The following RBPJ variants were observed in gnomAD, a reference collection of about 807,000 sequenced individuals.
RBPJ encodes recombining binding protein suppressor of hairless.
In RBPJ, 9 loss-of-function variants were observed where a neutral mutation model predicts 67.8. That is an observed-to-expected ratio of 0.13 (90% CI 0.08 to 0.23). The LOEUF (loss-of-function observed/expected upper bound fraction) is 0.23, where lower values mean the gene tolerates loss of function less well. Among genes scored for constraint, RBPJ ranks in the 10% least tolerant of loss-of-function variants. The probability of loss-of-function intolerance (pLI) is 1.00; values close to 1 mark genes in which losing one functional copy is unlikely to be tolerated. For missense variants in RBPJ, 305 were observed against 595.6 expected, an observed-to-expected ratio of 0.51 and a Z score of 5.08; for synonymous variants, 198 against 203.3, an observed-to-expected ratio of 0.97 and a Z score of 0.22.
rs148336376 is a variant in RBPJ at position 26,423,785 on chromosome 4, A to G, written c.497-557A>G. On this transcript the variant is annotated intron_variant, in intron 5 of 10. Transcript: ENST00000355476. ...AATACTTTATTTAGAAGAAAGCAGA[A>G]TTTTCTGAAATCACAGTATGCAGAG... Among the ~76,000 whole-genome samples the G allele has an allele frequency of 4.3e-3, 650 of 152,338 alleles. 3 individuals are homozygous for G. The highest frequency in any genetic ancestry group is 0.014 in the African/African-American group (585 of 41,574).
intron 1 of RBPJ, among the ~76,000 whole-genome samples, chr4:26,177,745 T>C (rs967442018): frequency 1.3e-5 from 2 of 152,344 alleles, no homozygotes; most frequent in Middle Eastern, 6.8e-3. Context: ...CAGAGTAATA[T>C]ATACTTATCT....
intron 1 of RBPJ, chr4:26,321,734 C>G (rs929704858): frequency 6.5e-6 from 1 of 152,700 alleles, no homozygotes; most frequent in Non-Finnish European, 1.5e-5. Context: ...TCTCCCCCAT[C>G]CACGGGCTTA....
the RBPJ span, among the ~76,000 whole-genome samples, chr4:26,128,554 C>T: frequency 2.6e-5 from 4 of 152,164 alleles, no homozygotes; most frequent in Non-Finnish European, 4.4e-5. Context: ...TAGCTATGCC[C>T]CAAATCCCAC....
chr4:26,213,087 A>G (rs1415424137), intron 1 of RBPJ, among the ~76,000 whole-genome samples: 1 of 152,192 alleles, frequency 6.6e-6, no homozygotes. Flanking sequence ...ACTAGTAAAT[A>G]TAAGTGTTTC....
intron 1 of RBPJ, among the ~76,000 whole-genome samples, chr4:26,330,986 T>G (rs1214585230): frequency 1.3e-5 from 2 of 152,222 alleles, no homozygotes; most frequent in African/African-American, 4.8e-5. Context: ...GAGAAGACCT[T>G]ACTAATCATA....
At chr4:26,323,038 C>A (rs1723254906) in intron 1 of RBPJ, 2 of 150,796 alleles carry the variant, frequency 1.3e-5, no homozygotes, top group South Asian at 4.2e-4. Context: ...AGGGGACATA[C>A]GAGATCTACT....
chr4:26,386,435 A>G (rs1429328590), intron 2 of RBPJ, 44 bp downstream of exon 2: 10 of 1,307,720 alleles, frequency 7.6e-6, no homozygotes, highest in African/African-American at 1.5e-5. Flanking sequence ...CATTTTATGA[A>G]AGTATAAATC....
chr4:26,428,602 C>A, intron 7 of RBPJ, 118 bp from the exon 8 acceptor site: 1 of 719,492 alleles, frequency 1.4e-6, no homozygotes, highest in South Asian at 1.8e-5. Context: ...AGGCATAGGA[C>A]AAATAACTGT....
chr4:26,261,315 T>C (rs749030749), intron 1 of RBPJ, among the ~76,000 whole-genome samples: 3 of 151,976 alleles, frequency 2.0e-5, no homozygotes, highest in Non-Finnish European at 2.9e-5. Flanking sequence ...GATGAATTAA[T>C]GAATGGATTC....
the RBPJ span, among the ~76,000 whole-genome samples, chr4:26,109,932 T>C: frequency 6.6e-6 from 1 of 152,060 alleles, no homozygotes; most frequent in East Asian, 1.9e-4. Context: ...GGCCCTCTTC[T>C]TCCCTACTCT....
intron 1 of RBPJ, among the ~76,000 whole-genome samples, chr4:26,188,734 G>A (rs2109137938): frequency 6.6e-6 from 1 of 151,718 alleles, no homozygotes; most frequent in South Asian, 2.1e-4. Flanking sequence ...TTAAAAGTGT[G>A]ACTTTATTGT....
upstream of RBPJ, chr4:26,320,959 G>A: frequency 2.5e-6 from 4 of 1,611,742 alleles, no homozygotes; most frequent in Non-Finnish European, 3.4e-6. Context: ...AAGGGGCGGG[G>A]GAGAGGGACC....
chr4:26,390,017 TG>T (rs1327570633), intron 2 of RBPJ, among the ~76,000 whole-genome samples: 1 of 152,214 alleles, frequency 6.6e-6, no homozygotes, highest in Admixed American at 6.5e-5. Context: ...CAGTATCCCT[TG>T]TGAACATAGT....
the RBPJ span, among the ~76,000 whole-genome samples, chr4:26,147,534 G>C: frequency 0.48 from 72,436 of 152,120 alleles, 17,873 homozygotes; most frequent in Non-Finnish European, 0.56. Context: ...TAGTTGCAAA[G>C]GAAGCTGGGA....
At chr4:26,250,913 T>C (rs1385051044) in intron 1 of RBPJ, among the ~76,000 whole-genome samples, 1 of 152,262 alleles carries the variant, frequency 6.6e-6, no homozygotes, top group East Asian at 1.9e-4. Context: ...GTGAGTATTA[T>C]ATTCTGTGGA....
intron 1 of RBPJ, among the ~76,000 whole-genome samples, chr4:26,369,172 T>C (rs1206528431): frequency 6.6e-6 from 1 of 152,230 alleles, no homozygotes; most frequent in Non-Finnish European, 1.5e-5. Flanking sequence ...GTCATACTCT[T>C]ATTTACCAAC....
intron 1 of RBPJ, among the ~76,000 whole-genome samples, chr4:26,221,461 A>C (rs1280447859): frequency 6.6e-6 from 1 of 152,140 alleles, no homozygotes; most frequent in African/African-American, 2.4e-5. Context: ...GTTCAGGGGA[A>C]TCCTGTTAAG....
the RBPJ span, chr4:26,113,455 C>A: frequency 6.7e-5 from 37 of 548,834 alleles, no homozygotes; most frequent in Non-Finnish European, 1.3e-4. Context: ...CACACCTTAC[C>A]AACCATCAGC....
chr4:26,271,905 G>A (rs904366860), intron 1 of RBPJ, among the ~76,000 whole-genome samples: 6 of 152,178 alleles, frequency 3.9e-5, no homozygotes, highest in African/African-American at 1.2e-4. Context: ...AGACACGTGC[G>A]TGCTTGAACA....
Sources: allele counts gnomAD v4.1 joint callset (sites outside exome capture counted in the v4.1 genomes callset), GRCh38; gene constraint gnomAD v4.1.1; transcripts MANE v1.5; gene names NCBI Gene and HGNC (gene_info 2026-07-23, HGNC 2026-07-21).